Variants in IPO9 observed in about 807,000 individuals in gnomAD.
The protein encoded by IPO9 is importin-9.
In IPO9, 28 loss-of-function variants were observed where a neutral mutation model predicts 128.6. That is an observed-to-expected ratio of 0.22 (90% CI 0.16 to 0.30). The LOEUF is 0.30. IPO9 is among the 10% of genes least tolerant of loss of function. The pLI, the probability that IPO9 is intolerant of heterozygous loss-of-function variation, is 1.00. For missense variants in IPO9, 935 were observed against 1,293.9 expected, an observed-to-expected ratio of 0.72 and a Z score of 4.26; for synonymous variants, 455 against 475.8, an observed-to-expected ratio of 0.96 and a Z score of 0.57.
At position 201,848,532 on chromosome 1, in the gene IPO9, T is replaced by C; in HGVS notation, c.452T>C (p.Leu151Pro). ...GCTTGGCCCCAACTCTTCAACCTGCTCATGGAGATGTTGGTGAGCGGAGAC... is the reference window on the plus strand; with the variant it reads ...GCTTGGCCCCAACTCTTCAACCTGCCCATGGAGATGTTGGTGAGCGGAGAC... ...PEAWPQLFNL[L>P]MEMLVSGDLN... The change falls in exon 4 of 24, where the codon CTC becomes CCC. Residue 151 changes from leucine to proline, a missense_variant. Physicochemically the swap from Leu to Pro is moderately conservative, Grantham distance 98 (BLOSUM62 -3). This residue lies in a region of IPO9 where 741 missense variants were observed against 1,019.1 expected (regional missense o/e 0.73). Coordinates refer to ENST00000361565, the MANE Select transcript of IPO9 (RefSeq NM_018085.5). 2 of 1,614,200 alleles carry C rather than the reference T, an allele frequency of 1.2e-6. No homozygotes were observed. The highest frequency in any genetic ancestry group is 1.7e-6 in the Non-Finnish European group (2 of 1,180,032).
chr1:201,830,417 AT>A (rs1406434438), intron 1 of IPO9, among the ~76,000 whole-genome samples: 1 of 152,240 alleles, frequency 6.6e-6, no homozygotes, highest in African/African-American at 2.4e-5. Context: ...TCTCTCTTAA[AT>A]TTAGTTTACA....
chr1:201,874,247 C>T lies in IPO9; in HGVS notation c.2711-3C>T. 6.2e-7 allele frequency: 1 copy of T among 1,613,632 alleles called. No individual in the cohort carries two copies. The highest frequency in any genetic ancestry group is 8.5e-7 in the Non-Finnish European group (1 of 1,179,776). ...GACTTGAAACCTTTTTCTTCCTTCC[C>T]AGACCCAGAACGCTGGACAAACATT... On this transcript the variant is annotated splice_region_variant and splice_polypyrimidine_tract_variant and intron_variant, in intron 20 of 23. Coordinates refer to ENST00000361565, the MANE Select transcript of IPO9 (RefSeq NM_018085.5).
rs1033932780 is a variant in IPO9 at position 201,882,483 on chromosome 1, C to G, written c.*6429C>G. 1 of 150,878 alleles carries G rather than the reference C, an allele frequency of 6.6e-6. No individual in the cohort carries two copies. The highest frequency in any genetic ancestry group is 2.4e-5 in the African/African-American group (1 of 41,096). 9.3% of individuals were successfully genotyped at this position (150,878 alleles called of 1,614,324 possible). A position where few individuals can be genotyped will look rare whatever the true frequency, so the allele number is the denominator to read the frequency against. ...ACAAGTTTTGTGAATTTAAGTTTCC[C>G]TAATGGATGGTACAGGTCAACATTT... On this transcript the variant is annotated 3_prime_UTR_variant, in exon 24 of 24. Coordinates refer to ENST00000361565, the MANE Select transcript of IPO9 (RefSeq NM_018085.5).
chr1:201,856,061 G>T, intron 10 of IPO9, 127 bp downstream of exon 10: 2 of 696,862 alleles, frequency 2.9e-6, no homozygotes, highest in South Asian at 2.5e-5. Context: ...TTCATGTGAA[G>T]TTCTGGGAAA....
At chr1:201,840,943 A>G (rs1218285038) in intron 1 of IPO9, among the ~76,000 whole-genome samples, 1 of 152,200 alleles carries the variant, frequency 6.6e-6, no homozygotes, top group African/African-American at 2.4e-5. Flanking sequence ...AGAAGTGGGT[A>G]ATGAAAACAA....
intron 1 of IPO9, among the ~76,000 whole-genome samples, chr1:201,834,712 T>C (rs898661970): frequency 3.3e-5 from 5 of 152,232 alleles, no homozygotes; most frequent in African/African-American, 1.2e-4. Context: ...ACATTTCCCC[T>C]ATCATTTGGC....
intron 16 of IPO9, among the ~76,000 whole-genome samples, chr1:201,869,246 C>A (rs185217632): frequency 6.6e-6 from 1 of 152,122 alleles, no homozygotes; most frequent in Non-Finnish European, 1.5e-5. Context: ...GCGAGACTGC[C>A]TCAAAAAGAA....
Position 201,879,084 on chromosome 1 carries a change from A to G in IPO9, c.*3030A>G, listed in dbSNP as rs568008054. On this transcript the variant is annotated 3_prime_UTR_variant, in exon 24 of 24. Coordinates refer to ENST00000361565, the MANE Select transcript of IPO9 (RefSeq NM_018085.5). ...AGTGAACTGAAAGGAAAATGGAAGG[A>G]ATGCTATAAGACTGAAAAGAAGTTA... 1 of 152,324 alleles carries G rather than the reference A, an allele frequency of 6.6e-6. No individual in the cohort carries two copies. The highest frequency in any genetic ancestry group is 2.1e-4 in the South Asian group (1 of 4,820). The allele number at this position is 152,324 out of a possible 1,614,324, so 9.4% of individuals were successfully genotyped here.
rs938557856 is a variant in IPO9, at chr1:201,847,560, A to G, written c.234A>G (p.Ser78=). Residue 78 remains serine (S), a synonymous_variant, in exon 3 of 24, where the codon TCA becomes TCG. Coordinates refer to ENST00000361565, the MANE Select transcript of IPO9 (RefSeq NM_018085.5). ...GCTTATTCTCTTCACAGCTGGCATC[A>G]GTCATCTTGAAACAATATGTGGAGA... ...QGALAIRQLA[S]VILKQYVETH... is the part of the protein sequence containing the mutation. 3.1e-6 allele frequency: 5 copies of G among 1,613,824 alleles called. No homozygotes were observed. The African/African-American group carries it at 5.3e-5, about 17-fold the overall frequency.
intron 15 of IPO9, among the ~76,000 whole-genome samples, chr1:201,868,259 T>C (rs1374524649): frequency 6.6e-6 from 1 of 152,118 alleles, no homozygotes; most frequent in African/African-American, 2.4e-5. Context: ...AAAGCCAGTG[T>C]TTTGGCAATT....
intron 1 of IPO9, among the ~76,000 whole-genome samples, chr1:201,837,841 C>T (rs563954899): frequency 3.3e-5 from 5 of 152,206 alleles, no homozygotes; most frequent in African/African-American, 1.2e-4. Context: ...GAGGCTGAGG[C>T]GGGCGGATCA....
intron 20 of IPO9, among the ~76,000 whole-genome samples, chr1:201,873,444 CA>C (rs571580169): frequency 0.025 from 1,469 of 58,194 alleles, 10 homozygotes; most frequent in African/African-American, 0.044. Flanking sequence ...GACTCCGTCT[CA>C]AAAAAAAAAA....
In IPO9 at chr1:201,877,600, T is replaced by G. The variant is rs188326537; in HGVS notation, c.*1546T>G. The stretch of plus-strand genomic sequence containing the variant: ...CCCCATTTTTAATAACCACAGGATA[T>G]TTCTTTAGATTGATATTCTCACAAA... On this transcript the variant is annotated 3_prime_UTR_variant, in exon 24 of 24. Coordinates refer to ENST00000361565, the MANE Select transcript of IPO9 (RefSeq NM_018085.5). The G allele has an allele frequency of 1.3e-5, 2 of 151,990 alleles. No individual in the cohort carries two copies. The highest frequency in any genetic ancestry group is 4.8e-5 in the African/African-American group (2 of 41,456). 9.4% of individuals were successfully genotyped at this position (151,990 alleles called of 1,614,324 possible).
rs568654521 is a variant in IPO9 at position 201,852,455 on chromosome 1, G to A, written c.603+263G>A. Reference sequence around the variant, plus strand: ...AGTAGCCCCTAAGTAGATAAATAGTGCCTTCCTTCATGCTACTTCCAGCCT... The same window carrying A: ...AGTAGCCCCTAAGTAGATAAATAGTACCTTCCTTCATGCTACTTCCAGCCT... On this transcript the variant is annotated intron_variant, in intron 5 of 23. Transcript: ENST00000361565. Among the ~76,000 whole-genome samples, 3 of 152,280 alleles carry A rather than the reference G, an allele frequency of 2.0e-5. No individual in the cohort carries two copies. The South Asian group carries it at 6.2e-4, about 32-fold the overall frequency.
intron 10 of IPO9, 139 bp downstream of exon 10, chr1:201,856,073 G>T: frequency 4.7e-6 from 3 of 641,928 alleles, no homozygotes; most frequent in Non-Finnish European, 7.2e-6. Context: ...TCTGGGAAAG[G>T]TTTGACATCA....
At chr1:201,862,092 G>T (rs1680459726) in intron 13 of IPO9, among the ~76,000 whole-genome samples, 1 of 152,154 alleles carries the variant, frequency 6.6e-6, no homozygotes, top group African/African-American at 2.4e-5. Flanking sequence ...ATCTTTATTT[G>T]GTGGACTATG....
At chr1:201,833,835 G>T (rs1226326060) in intron 1 of IPO9, among the ~76,000 whole-genome samples, 2 of 152,098 alleles carry the variant, frequency 1.3e-5, no homozygotes, top group Non-Finnish European at 2.9e-5. Context: ...ACCCAGGCTA[G>T]AGTGCAGTGG....
At chr1:201,866,639 G>A (rs964624333) in intron 14 of IPO9, 94 bp from the exon 15 acceptor site, 1 of 926,104 alleles carries the variant, frequency 1.1e-6, no homozygotes, top group Non-Finnish European at 1.7e-6. Flanking sequence ...GCTTTATAAA[G>A]CTACACATAC....
At chr1:201,843,654 C>A (rs1326170958) in intron 1 of IPO9, among the ~76,000 whole-genome samples, 2 of 152,034 alleles carry the variant, frequency 1.3e-5, no homozygotes, top group Non-Finnish European at 2.9e-5. Context: ...ATGGCAAAAC[C>A]CAGTCTCTAC....
Sources: gnomAD v4.1 joint callset for allele counts (sites outside exome capture counted in the v4.1 genomes callset) on GRCh38, gnomAD v4.1.1 for gene constraint, gnomAD v4.1.1 regional missense constraint, MANE v1.5 for transcripts, NCBI Gene and HGNC (gene_info 2026-07-23, HGNC 2026-07-21) for gene names.